NUGGC: variants seen among roughly 807,000 people sequenced by gnomAD.
NUGGC encodes the protein nuclear GTPase, germinal center associated.
NUGGC carries 58 observed loss-of-function variants against 92.6 expected under a neutral mutation model. That is an observed-to-expected ratio of 0.63 (90% CI 0.51 to 0.78). NUGGC has a LOEUF of 0.78. Ranked by LOEUF, NUGGC falls within the 30% of genes least tolerant of loss-of-function variation. NUGGC has a pLI of 0.00. For synonymous variants in NUGGC, 376 were observed against 366.4 expected (o/e 1.03, Z -0.30); for missense variants, 925 against 964.6 (o/e 0.96, Z 0.54).
chr8:28,079,899 C>CT (rs369970702), intron 1 of NUGGC, among the ~76,000 whole-genome samples: 3 of 150,956 alleles, frequency 2.0e-5, no homozygotes, highest in African/African-American at 7.3e-5. Context: ...CTGCAAACTG[C>CT]TTTTTTGTTT....
Position 28,027,020 on chromosome 8 carries a change from G to A in NUGGC, c.2187C>T (p.Ile729=). ...TGIVEKVKGS[I]TTMLALASSQ... The stretch of plus-strand genomic sequence containing the variant: ...ACGAAGCAAGGGCCAGCATAGTGGT[G>A]ATGCTGCCCTTCACCTTCTCCACGA... The change falls in exon 18 of 19, where the codon ATC becomes ATT. Residue 729 remains isoleucine, a synonymous_variant. Coordinates refer to ENST00000413272, the MANE Select transcript of NUGGC (RefSeq NM_001010906.2). 6.2e-7 allele frequency: 1 copy of A among 1,613,720 alleles called. No individual in the cohort carries two copies. Among genetic ancestry groups the A allele is most frequent in the Non-Finnish European group, 8.5e-7 (1 of 1,179,626 alleles).
At chr8:28,056,214 C>T (rs1810131639) in intron 9 of NUGGC, among the ~76,000 whole-genome samples, 160 bp from the exon 10 acceptor site, 1 of 152,150 alleles carries the variant, frequency 6.6e-6, no homozygotes, top group African/African-American at 2.4e-5. Context: ...CACGGTGGCT[C>T]ATGCCTGTAA....
At chr8:28,066,283 A>T (rs937772784) in intron 6 of NUGGC, among the ~76,000 whole-genome samples, 1 of 152,346 alleles carries the variant, frequency 6.6e-6, no homozygotes, top group Non-Finnish European at 1.5e-5. Context: ...AACTGTAAGA[A>T]ATGGGCACTG....
In NUGGC at chr8:28,030,302, GC is replaced by G. The variant is rs765851203; in HGVS notation, c.2017+7del. On this transcript the variant is annotated splice_region_variant and intron_variant, in intron 16 of 18. Coordinates refer to ENST00000413272, the MANE Select transcript of NUGGC (RefSeq NM_001010906.2). ...GCAGGCAGAAATGCTGTCCTCCGCA[GC>G]CCCCACCTTCGTAACAGAGCTTCAG... The G allele has an allele frequency of 1.8e-5, 26 of 1,471,324 alleles. No homozygotes were observed. The African/African-American group carries it at 3.3e-4, about 19-fold the overall frequency. 91.1% of individuals were successfully genotyped at this position (1,471,324 alleles called of 1,614,324 possible).
intron 14 of NUGGC, among the ~76,000 whole-genome samples, chr8:28,031,646 C>T (rs530629440): frequency 6.6e-6 from 1 of 152,338 alleles, no homozygotes; most frequent in South Asian, 2.1e-4. Context: ...GGTCACACAG[C>T]TAGCAAGAGG....
intron 11 of NUGGC, 115 bp downstream of exon 11, chr8:28,047,392 G>T: frequency 1.6e-6 from 1 of 640,970 alleles, no homozygotes; most frequent in South Asian, 2.0e-5. Context: ...TTGAAACCAT[G>T]GCAAGCTGGA....
chr8:28,078,055 G>A (rs1810765436), intron 1 of NUGGC, among the ~76,000 whole-genome samples: 3 of 152,222 alleles, frequency 2.0e-5, no homozygotes, highest in African/African-American at 7.2e-5. Flanking sequence ...TCCAGCAAGG[G>A]CCGTTAGCAT....
intron 1 of NUGGC, among the ~76,000 whole-genome samples, chr8:28,075,338 C>T (rs766222331): frequency 4.1e-5 from 6 of 145,378 alleles, no homozygotes; most frequent in Non-Finnish European, 6.0e-5. Context: ...AGAGGCACAT[C>T]CAAAAGAAGA....
At chr8:28,032,925 C>T (rs1297877291) in intron 14 of NUGGC, among the ~76,000 whole-genome samples, 1 of 151,888 alleles carries the variant, frequency 6.6e-6, no homozygotes, top group African/African-American at 2.4e-5. Context: ...TTTGGGAGGA[C>T]GATGGGGGAG....
chr8:28,045,206 C>T (rs990725840), intron 12 of NUGGC, among the ~76,000 whole-genome samples: 9 of 152,144 alleles, frequency 5.9e-5, no homozygotes, highest in Non-Finnish European at 1.3e-4. Context: ...CTATATTCCA[C>T]TAGAAGCAAG....
chr8:28,060,011 A>G (rs1461625335), intron 8 of NUGGC, among the ~76,000 whole-genome samples: 2 of 147,972 alleles, frequency 1.4e-5, no homozygotes, highest in African/African-American at 2.5e-5. Flanking sequence ...GCACAGCAAG[A>G]CTCTGTGCCA....
intron 13 of NUGGC, among the ~76,000 whole-genome samples, chr8:28,037,153 G>C (rs774612387): frequency 6.6e-6 from 1 of 152,172 alleles, no homozygotes. Context: ...ACCTCAGTTA[G>C]ACCCTGACAC....
At chr8:28,071,477 C>T (rs1253902657) in intron 2 of NUGGC, among the ~76,000 whole-genome samples, 2 of 152,184 alleles carry the variant, frequency 1.3e-5, no homozygotes, top group Non-Finnish European at 2.9e-5. Context: ...TTCAGAGATC[C>T]TTCAAAATTT....
chr8:28,063,879 T>G (rs188367641), intron 7 of NUGGC, among the ~76,000 whole-genome samples: 86 of 152,194 alleles, frequency 5.7e-4, no homozygotes, highest in African/African-American at 2.0e-3. Flanking sequence ...GCTCCTGTGT[T>G]CCTCCCACCC....
intron 8 of NUGGC, 52 bp downstream of exon 8, chr8:28,060,374 C>G (rs933335397): frequency 6.4e-7 from 1 of 1,557,498 alleles, no homozygotes; most frequent in African/African-American, 1.4e-5. Flanking sequence ...TCAGGACCCA[C>G]AGAGGAAAGC....
At chr8:28,038,440 C>T (rs1425727342) in intron 13 of NUGGC, among the ~76,000 whole-genome samples, 3 of 152,186 alleles carry the variant, frequency 2.0e-5, no homozygotes, top group Non-Finnish European at 4.4e-5. Flanking sequence ...ATTCTTTCAA[C>T]TTATCTTTAC....
At chr8:28,023,603 G>A (rs1809175674) in intron 18 of NUGGC, 141 bp from the exon 19 acceptor site, 2 of 830,790 alleles carry the variant, frequency 2.4e-6, no homozygotes, top group South Asian at 1.9e-5. Context: ...CATCAAAGCA[G>A]GTGTTCCTCC....
At chr8:28,041,863 A>G (rs955699754) in intron 12 of NUGGC, among the ~76,000 whole-genome samples, 1 of 152,136 alleles carries the variant, frequency 6.6e-6, no homozygotes, top group Non-Finnish European at 1.5e-5. Flanking sequence ...GGAAGTGACC[A>G]CCAGAGAAAG....
intron 10 of NUGGC, among the ~76,000 whole-genome samples, chr8:28,053,380 C>T (rs1810054181): frequency 6.6e-6 from 1 of 151,566 alleles, no homozygotes; most frequent in Admixed American, 6.6e-5. Flanking sequence ...TCAGGGGGTG[C>T]GGAGTGCGGG....
Sources: allele counts gnomAD v4.1 joint callset (sites outside exome capture counted in the v4.1 genomes callset), GRCh38; gene constraint gnomAD v4.1.1; transcripts MANE v1.5; gene names NCBI Gene and HGNC (gene_info 2026-07-23, HGNC 2026-07-21).